Variants in GMNC observed in about 807,000 individuals in gnomAD.
GMNC encodes the protein geminin coiled-coil domain containing.
In GMNC, 16 loss-of-function variants were observed where a neutral mutation model predicts 33.6. The observed-to-expected ratio is 0.48, with a 90% CI of 0.32 to 0.72. GMNC has a LOEUF of 0.72. Ranked by LOEUF, GMNC falls within the 30% of genes least tolerant of loss-of-function variation. GMNC has a pLI of 0.03. For synonymous variants in GMNC, 156 were observed against 147.3 expected (o/e 1.06, Z -0.43); for missense variants, 393 against 388.9 (o/e 1.01, Z -0.09).
rs1737892937 is a variant in GMNC, at chr3:190,862,415, A to G, written c.3+198T>C. 6.9e-6 allele frequency among the ~76,000 whole-genome samples: 1 copy of G among 144,338 alleles called. No homozygotes were observed. Among genetic ancestry groups the G allele is most frequent in the African/African-American group, 2.7e-5 (1 of 36,390 alleles). The allele number at this position is 144,338 out of a possible 152,430, so 94.7% of individuals were successfully genotyped here. On this transcript the variant is annotated intron_variant, in intron 1 of 4. Coordinates refer to ENST00000442080, the MANE Select transcript of GMNC (RefSeq NM_001146686.3). The surrounding 1 kb of genome is among the most constrained non-coding windows in gnomAD (Gnocchi z 4.5). The stretch of plus-strand genomic sequence containing the variant: ...GGAGAGAAAGAAGAGGGAGAGAGGG[A>G]GAGAAAGAGAGAGAGAGAGAGAGAA...
chr3:190,856,396 T>G (rs1010634329), intron 4 of GMNC, among the ~76,000 whole-genome samples: 29 of 137,658 alleles, frequency 2.1e-4, no homozygotes, highest in African/African-American at 6.7e-4. Context: ...TATAAATATT[T>G]ATATATTTAT....
At chr3:190,858,816 G>T in intron 3 of GMNC, 112 bp downstream of exon 3, 2 of 594,490 alleles carry the variant, frequency 3.4e-6, no homozygotes, top group South Asian at 2.4e-5. Flanking sequence ...CAGTCACTTT[G>T]GTTCTAAACT....
downstream of GMNC, among the ~76,000 whole-genome samples, chr3:190,849,365 G>C (rs1737599263): frequency 9.8e-6 from 1 of 102,016 alleles, no homozygotes; most frequent in Admixed American, 8.5e-5. Context: ...CTCCCTGTGG[G>C]CCAGGGGTGG....
At chr3:190,850,720 G>A (rs948666878), downstream of GMNC, among the ~76,000 whole-genome samples, 1 of 152,136 alleles carries the variant, frequency 6.6e-6, no homozygotes, top group Non-Finnish European at 1.5e-5. Context: ...GGTTTTAGCT[G>A]AACAAAGGAG....
chr3:190,848,969 C>A (rs1210083890), downstream of GMNC, among the ~76,000 whole-genome samples: 1 of 152,098 alleles, frequency 6.6e-6, no homozygotes, highest in South Asian at 2.1e-4. Context: ...AATTACTATA[C>A]ATATTAAATG....
intron 2 of GMNC, among the ~76,000 whole-genome samples, 197 bp from the exon 3 acceptor site, chr3:190,859,213 CT>C (rs1270590212): frequency 6.6e-6 from 1 of 152,114 alleles, no homozygotes; most frequent in Non-Finnish European, 1.5e-5. Flanking sequence ...TATTTATATG[CT>C]GTATGACATA....
rs1410349779 is a variant in GMNC at position 190,854,269 on chromosome 3, A to T, written c.*1026T>A. ...AGGGAAGTCGTTTTCGCAAAGTCAT[A>T]GCAGATGAGTAGGTCTAAGTCTCAT... On this transcript the variant is annotated 3_prime_UTR_variant, in exon 5 of 5. Coordinates refer to ENST00000442080, the MANE Select transcript of GMNC (RefSeq NM_001146686.3). 1 of 152,184 alleles carries T rather than the reference A, an allele frequency of 6.6e-6. No individual in the cohort carries two copies. 9.4% of individuals were successfully genotyped at this position (152,184 alleles called of 1,614,324 possible). A position where few individuals can be genotyped will look rare whatever the true frequency, so the allele number is the denominator to read the frequency against.
At position 190,853,613 on chromosome 3, in the gene GMNC, A is replaced by C. The variant is rs926644433; in HGVS notation, c.*1682T>G. 1.3e-5 allele frequency: 2 copies of C among 152,086 alleles called. No individual in the cohort carries two copies. Among genetic ancestry groups the C allele is most frequent in the Admixed American group, 1.3e-4 (2 of 15,236 alleles). The allele number at this position is 152,086 out of a possible 1,614,324, so 9.4% of individuals were successfully genotyped here. A position where few individuals can be genotyped will look rare whatever the true frequency, so the allele number is the denominator to read the frequency against. On this transcript the variant is annotated 3_prime_UTR_variant, in exon 5 of 5. Coordinates refer to ENST00000442080, the MANE Select transcript of GMNC (RefSeq NM_001146686.3). ...GCATGTCTCTGTTACAAAGAATCCTAACCAACACAGTTGACCTACGAGATA... is the reference window on the plus strand; with the variant it reads ...GCATGTCTCTGTTACAAAGAATCCTCACCAACACAGTTGACCTACGAGATA...
At chr3:190,856,369 T>G (rs1468724612) in intron 4 of GMNC, among the ~76,000 whole-genome samples, 1 of 140,664 alleles carries the variant, frequency 7.1e-6, no homozygotes, top group Non-Finnish European at 1.5e-5. Context: ...TTATAAATAT[T>G]TAGAAATAGA....
At position 190,862,583 on chromosome 3, in the gene GMNC, C is replaced by A. The variant is rs960168192; in HGVS notation, c.3+30G>T. On this transcript the variant is annotated intron_variant, in intron 1 of 4. Coordinates refer to ENST00000442080, the MANE Select transcript of GMNC (RefSeq NM_001146686.3). The surrounding 1 kb of genome is among the most constrained non-coding windows in gnomAD (Gnocchi z 4.5). ...ACTTTCAGAGACCCAAGTTTGCCAG[C>A]GGACTAGCTAACGCCAGTTCCTCAC... 10 of 1,520,756 alleles carry A rather than the reference C, an allele frequency of 6.6e-6. No individual in the cohort carries two copies. The highest frequency in any genetic ancestry group is 8.9e-6 in the Non-Finnish European group (10 of 1,118,318). The allele number at this position is 1,520,756 out of a possible 1,614,324, so 94.2% of individuals were successfully genotyped here.
Position 190,855,120 on chromosome 3 carries a change from A to T in GMNC, c.*175T>A. Reference sequence around the variant, plus strand: ...AAAAGAAGCGCGGACACGTTTCATTATGGATTCTTGGAAGCCATTCCCTGC... The same window carrying T: ...AAAAGAAGCGCGGACACGTTTCATTTTGGATTCTTGGAAGCCATTCCCTGC... On this transcript the variant is annotated 3_prime_UTR_variant, in exon 5 of 5. Coordinates refer to ENST00000442080, the MANE Select transcript of GMNC (RefSeq NM_001146686.3). The T allele has an allele frequency of 1.5e-6, 1 of 653,086 alleles. No homozygotes were observed. The highest frequency in any genetic ancestry group is 2.6e-6 in the Non-Finnish European group (1 of 388,410). 40.5% of individuals were successfully genotyped at this position (653,086 alleles called of 1,614,324 possible).
downstream of GMNC, among the ~76,000 whole-genome samples, chr3:190,850,420 G>C (rs1737614928): frequency 1.3e-5 from 2 of 152,188 alleles, no homozygotes; most frequent in Admixed American, 6.5e-5. Flanking sequence ...GCTGGTTCCG[G>C]ATGAAGCCTG....
At chr3:190,857,680 G>T in intron 4 of GMNC, 103 bp downstream of exon 4, 3 of 588,120 alleles carry the variant, frequency 5.1e-6, no homozygotes, top group Non-Finnish European at 6.1e-6. Flanking sequence ...TCTTATAAAT[G>T]CATATCAAGA....
At chr3:190,860,589 TC>T in intron 2 of GMNC, 94 bp downstream of exon 2, 1 of 1,046,014 alleles carries the variant, frequency 9.6e-7, no homozygotes, top group Non-Finnish European at 1.3e-6. Context: ...TTCCATATCG[TC>T]CCTTATTCTA....
rs1376574740 is a variant in GMNC, at chr3:190,855,666, G to A, written c.634C>T (p.Leu212Phe). 1 of 1,551,568 alleles carries A rather than the reference G, an allele frequency of 6.4e-7. No individual in the cohort carries two copies. Among genetic ancestry groups the A allele is most frequent in the South Asian group, 1.2e-5 (1 of 84,052 alleles). The change falls in exon 5 of 5, where the codon CTC (leucine) becomes TTC (phenylalanine). Residue 212 changes from leucine (L) to phenylalanine (F), a missense_variant. Coordinates refer to ENST00000442080, the MANE Select transcript of GMNC (RefSeq NM_001146686.3). ...GCGACTCTTCTGGGATGAGATGCGA[G>A]GGCACTGTAGTTAGCTGATGAGGTG... is the stretch of plus-strand genomic sequence containing the variant. ...DDTSSANYSA[L>F]ASHPRRVAST...
chr3:190,857,659 AAAACCATCCATCTTAT>A, intron 4 of GMNC, 108 bp downstream of exon 4: 1 of 557,504 alleles, frequency 1.8e-6, no homozygotes. Context: ...TTCCTTAAGA[AAAACCATCCATCTTAT>A]AAATGCATAT....
In GMNC at chr3:190,857,813, A is replaced by G. The variant is rs754175319; in HGVS notation, c.354T>C (p.Ala118=). 28 of 1,548,436 alleles carry G rather than the reference A, an allele frequency of 1.8e-5. No individual in the cohort carries two copies. Among genetic ancestry groups the G allele is most frequent in the Non-Finnish European group, 2.3e-5 (26 of 1,144,024 alleles). ...NNHLRQYLNS[A]LVKCLEEKAK... is the part of the protein sequence containing the mutation. Reference sequence around the variant, plus strand: ...CCTTTTCTTCAAGACATTTAACCAAAGCAGAATTCAGGTATTGTCTGAGGT... The same window carrying G: ...CCTTTTCTTCAAGACATTTAACCAAGGCAGAATTCAGGTATTGTCTGAGGT... Residue 118 remains alanine (A), a synonymous_variant, in exon 4 of 5, where the codon GCT becomes GCC. Transcript: ENST00000442080.
At position 190,862,502 on chromosome 3, in the gene GMNC, G is replaced by A. The variant is rs1737895284; in HGVS notation, c.3+111C>T. 1.1e-5 allele frequency: 9 copies of A among 797,960 alleles called. No individual in the cohort carries two copies. In the South Asian group the frequency reaches 1.2e-4, roughly 10 times the overall value. 49.4% of individuals were successfully genotyped at this position (797,960 alleles called of 1,614,324 possible). On this transcript the variant is annotated intron_variant, in intron 1 of 4. Transcript: ENST00000442080. This position sits in a 1 kb window ranked among gnomAD's most constrained non-coding sequence, Gnocchi z 4.5. ...AGAGAGGATCTGTTTTAACTGGCGGGTAGCGGAGAAATCTTGCTCCGAAGG... is the reference window on the plus strand; with the variant it reads ...AGAGAGGATCTGTTTTAACTGGCGGATAGCGGAGAAATCTTGCTCCGAAGG...
rs1467638332 is a variant in GMNC at position 190,854,177 on chromosome 3, A to G, written c.*1118T>C. The G allele has an allele frequency of 1.3e-5, 2 of 152,180 alleles. No individual in the cohort carries two copies. Among genetic ancestry groups the G allele is most frequent in the South Asian group, 2.1e-4 (1 of 4,824 alleles). The allele number at this position is 152,180 out of a possible 1,614,324, so 9.4% of individuals were successfully genotyped here. On this transcript the variant is annotated 3_prime_UTR_variant, in exon 5 of 5. Transcript: ENST00000442080. ...ATCTGATAGGACCCAGCCTCAATTCATAGAATATTAGTAATTATCTAGTCC... is the reference window on the plus strand; with the variant it reads ...ATCTGATAGGACCCAGCCTCAATTCGTAGAATATTAGTAATTATCTAGTCC...
Sources: allele counts gnomAD v4.1 joint callset (sites outside exome capture counted in the v4.1 genomes callset), GRCh38; gene constraint gnomAD v4.1.1; non-coding constraint Gnocchi (gnomAD v3.1); transcripts MANE v1.5; gene names NCBI Gene and HGNC (gene_info 2026-07-23, HGNC 2026-07-21).